DIAPH3: variants seen among roughly 807,000 people sequenced by gnomAD.
DIAPH3 encodes protein diaphanous homolog 3.
Under a neutral mutation model 144.3 loss-of-function variants are expected in DIAPH3, and 117 were observed. The observed-to-expected ratio is 0.81, with a 90% CI of 0.70 to 0.95. The LOEUF (loss-of-function observed/expected upper bound fraction) is 0.95. Ranked by LOEUF, DIAPH3 falls within the 40% of genes least tolerant of loss-of-function variation. The probability of loss-of-function intolerance (pLI) is 0.00; values close to 1 mark genes in which losing one functional copy is unlikely to be tolerated. For synonymous variants in DIAPH3, 519 were observed against 488.9 expected, an observed-to-expected ratio of 1.06 and a Z score of -0.81; for missense variants, 1,421 against 1,412.7, an observed-to-expected ratio of 1.01 and a Z score of -0.09.
At chr13:60,051,219 G>A (rs1284534268) in intron 4 of DIAPH3, among the ~76,000 whole-genome samples, 2 of 151,906 alleles carry the variant, frequency 1.3e-5, no homozygotes, top group Non-Finnish European at 2.9e-5. Flanking sequence ...TAATTTGGGG[G>A]GAGTGGGAAA....
intron 27 of DIAPH3, among the ~76,000 whole-genome samples, chr13:59,742,937 G>A (rs1487211935): frequency 6.6e-6 from 1 of 151,960 alleles, no homozygotes; most frequent in Non-Finnish European, 1.5e-5. Context: ...GTTGGAATGT[G>A]AAATAAAGAG....
intron 20 of DIAPH3, among the ~76,000 whole-genome samples, chr13:59,895,445 A>C (rs964595379): frequency 1.6e-3 from 186 of 115,862 alleles, no homozygotes; most frequent in African/African-American, 8.8e-3. Flanking sequence ...AAAAAAAAAC[A>C]AAAAAAAAAC....
intron 5 of DIAPH3, among the ~76,000 whole-genome samples, chr13:60,020,236 G>A (rs1017690855): frequency 3.3e-5 from 5 of 152,172 alleles, no homozygotes; most frequent in African/African-American, 9.7e-5. Flanking sequence ...TGATAACCAG[G>A]CTTGTGGCCT....
chr13:59,908,306 G>A (rs906165512), intron 20 of DIAPH3, among the ~76,000 whole-genome samples: 5 of 139,546 alleles, frequency 3.6e-5, no homozygotes, highest in South Asian at 2.3e-4. Context: ...CCCAGGAGGC[G>A]GTTGCAGTGA....
At chr13:59,845,750 C>G (rs1293888188) in intron 22 of DIAPH3, among the ~76,000 whole-genome samples, 1 of 152,156 alleles carries the variant, frequency 6.6e-6, no homozygotes, top group Non-Finnish European at 1.5e-5. Flanking sequence ...GGTAAAGTGC[C>G]CTTTCTCCCA....
At chr13:59,905,215 C>T (rs575349647) in intron 20 of DIAPH3, among the ~76,000 whole-genome samples, 4 of 151,388 alleles carry the variant, frequency 2.6e-5, no homozygotes, top group East Asian at 2.0e-4. Context: ...TGGTGGCGGG[C>T]GCCTATAGTC....
intron 27 of DIAPH3, among the ~76,000 whole-genome samples, chr13:59,697,638 CAG>C (rs1453502137): frequency 6.6e-6 from 1 of 152,038 alleles, no homozygotes; most frequent in Non-Finnish European, 1.5e-5. Context: ...TTAGCTCTGA[CAG>C]AGTTATTATT....
chr13:59,742,513 T>C (rs2036507408), intron 27 of DIAPH3, among the ~76,000 whole-genome samples: 1 of 148,650 alleles, frequency 6.7e-6, no homozygotes, highest in Non-Finnish European at 1.5e-5. Flanking sequence ...CACAGATGAG[T>C]AGTAATCTAA....
At chr13:60,076,103 T>C (rs1372798472) in intron 4 of DIAPH3, among the ~76,000 whole-genome samples, 1 of 152,226 alleles carries the variant, frequency 6.6e-6, no homozygotes, top group Non-Finnish European at 1.5e-5. Context: ...GTTCCAACCA[T>C]AAGTCTAATC....
intron 20 of DIAPH3, among the ~76,000 whole-genome samples, chr13:59,890,476 G>A (rs574397609): frequency 2.0e-5 from 3 of 151,958 alleles, no homozygotes; most frequent in African/African-American, 7.2e-5. Context: ...ATCACCGTTA[G>A]CAGTTTATAT....
intron 24 of DIAPH3, among the ~76,000 whole-genome samples, chr13:59,829,378 C>T (rs977896457): frequency 1.3e-5 from 2 of 151,902 alleles, no homozygotes; most frequent in South Asian, 2.1e-4. Context: ...TAGATGTTAA[C>T]GCAGGTCAGC....
At chr13:59,756,231 C>A (rs2037249428) in intron 27 of DIAPH3, among the ~76,000 whole-genome samples, 1 of 152,074 alleles carries the variant, frequency 6.6e-6, no homozygotes, top group Non-Finnish European at 1.5e-5. Flanking sequence ...TTTCTTATAG[C>A]ATCTGTTTTC....
intron 27 of DIAPH3, among the ~76,000 whole-genome samples, chr13:59,727,396 G>A (rs1369138416): frequency 6.6e-6 from 1 of 152,116 alleles, no homozygotes; most frequent in African/African-American, 2.4e-5. Flanking sequence ...AATGAAACTG[G>A]GAATTTGGAA....
intron 21 of DIAPH3, among the ~76,000 whole-genome samples, chr13:59,864,116 G>C (rs1156960668): frequency 6.6e-6 from 1 of 152,026 alleles, no homozygotes. Flanking sequence ...GTGTGTTTGG[G>C]TCAGTTGGAA....
intron 4 of DIAPH3, among the ~76,000 whole-genome samples, chr13:60,083,323 A>C (rs550989178): frequency 7.9e-5 from 12 of 152,244 alleles, no homozygotes; most frequent in African/African-American, 2.9e-4. Flanking sequence ...CATTTATCCT[A>C]AATTTCCTAT....
At chr13:60,052,896 G>C (rs977676314) in intron 4 of DIAPH3, among the ~76,000 whole-genome samples, 1 of 134,818 alleles carries the variant, frequency 7.4e-6, no homozygotes, top group Admixed American at 8.4e-5. Flanking sequence ...GGGAGGCAGA[G>C]ATTGTAGTGA....
intron 2 of DIAPH3, among the ~76,000 whole-genome samples, chr13:60,132,578 A>T (rs1158110955): frequency 6.6e-6 from 1 of 152,154 alleles, no homozygotes; most frequent in Non-Finnish European, 1.5e-5. Flanking sequence ...ATATATATGC[A>T]TAATATTTTA....
intron 22 of DIAPH3, among the ~76,000 whole-genome samples, chr13:59,842,906 C>G (rs78876463): frequency 0.015 from 2,311 of 152,234 alleles, 69 homozygotes; most frequent in African/African-American, 0.052. Flanking sequence ...GTTACCAACC[C>G]AGAAGCTCCC....
intron 18 of DIAPH3, among the ~76,000 whole-genome samples, chr13:59,917,425 T>C (rs1195487985): frequency 6.6e-6 from 1 of 152,172 alleles, no homozygotes; most frequent in African/African-American, 2.4e-5. Context: ...TTTGTGAGAA[T>C]ATCATGTATC....
Sources: allele counts gnomAD v4.1 joint callset (sites outside exome capture counted in the v4.1 genomes callset), GRCh38; gene constraint gnomAD v4.1.1; transcripts MANE v1.5; gene names NCBI Gene and HGNC (gene_info 2026-07-23, HGNC 2026-07-21).